PIK3AP1: variants seen among roughly 807,000 people sequenced by gnomAD.
PIK3AP1 encodes phosphoinositide-3-kinase adaptor protein 1.
PIK3AP1 carries 21 observed loss-of-function variants against 88.1 expected under a neutral mutation model. That is an observed-to-expected ratio of 0.24 (90% CI 0.17 to 0.34). PIK3AP1 has a LOEUF of 0.34. Among genes scored for constraint, PIK3AP1 ranks in the 10% least tolerant of loss-of-function variants. The pLI is 1.00. For synonymous variants in PIK3AP1, 398 were observed against 400.0 expected (o/e 1.00, Z 0.06); for missense variants, 828 against 1,035.7 (o/e 0.80, Z 2.75).
chr10:96,599,577 GAA>G (rs750245717), intron 16 of PIK3AP1, among the ~76,000 whole-genome samples: 2 of 152,154 alleles, frequency 1.3e-5, no homozygotes, highest in Non-Finnish European at 2.9e-5. Flanking sequence ...CACGGGCAGA[GAA>G]GAGATGCTGA....
At chr10:96,603,713 A>T (rs1564950882) in intron 15 of PIK3AP1, 1 of 304,408 alleles carries the variant, frequency 3.3e-6, no homozygotes, top group African/African-American at 2.2e-5. Context: ...CACACACACC[A>T]CATATATATA....
rs148155309 is a variant in PIK3AP1 at position 96,621,774 on chromosome 10, A to G, written c.1736-1217T>C. The G allele has an allele frequency of 6.7e-3, 1,021 of 152,256 alleles. 7 individuals are homozygous for G. Among genetic ancestry groups the G allele is most frequent in the Non-Finnish European group, 0.011 (751 of 68,046 alleles). The allele number at this position is 152,256 out of a possible 1,614,324, so 9.4% of individuals were successfully genotyped here. On this transcript the variant is annotated intron_variant, in intron 11 of 16. Coordinates refer to ENST00000339364, the MANE Select transcript of PIK3AP1 (RefSeq NM_152309.3). Reference sequence around the variant, plus strand: ...GACGCCTTTAGACAAGTATTTCTCAACCTTGGCACTATTGACATTTTGGGC... The same window carrying G: ...GACGCCTTTAGACAAGTATTTCTCAGCCTTGGCACTATTGACATTTTGGGC...
chr10:96,681,374 C>G (rs1843997141), intron 2 of PIK3AP1, among the ~76,000 whole-genome samples: 1 of 152,202 alleles, frequency 6.6e-6, no homozygotes, highest in Admixed American at 6.5e-5. Context: ...CATCCCATAA[C>G]AAATGTGATG....
chr10:96,661,003 G>A (rs1014087365), intron 2 of PIK3AP1, among the ~76,000 whole-genome samples: 1 of 152,084 alleles, frequency 6.6e-6, no homozygotes, highest in Non-Finnish European at 1.5e-5. Flanking sequence ...TGGCCAACAT[G>A]GTGAAACCCT....
intron 2 of PIK3AP1, among the ~76,000 whole-genome samples, chr10:96,695,985 C>T (rs557289621): frequency 1.3e-5 from 2 of 152,096 alleles, no homozygotes; most frequent in East Asian, 1.9e-4. Flanking sequence ...CCTATGTTAC[C>T]GAAGACAAAT....
chr10:96,635,950 G>C (rs2134217527), intron 8 of PIK3AP1, among the ~76,000 whole-genome samples: 2 of 152,092 alleles, frequency 1.3e-5, no homozygotes, highest in Middle Eastern at 6.8e-3. Context: ...GCTCACGCCT[G>C]TAATCCCAGC....
chr10:96,621,888 A>G (rs10882829), intron 11 of PIK3AP1, among the ~76,000 whole-genome samples: 55,795 of 152,120 alleles, frequency 0.37, 11,233 homozygotes, highest in South Asian at 0.48. Flanking sequence ...TGCTAGCAGC[A>G]CCCCCTTCTT....
At chr10:96,601,570 G>A (rs1667756779) in intron 16 of PIK3AP1, among the ~76,000 whole-genome samples, 1 of 151,888 alleles carries the variant, frequency 6.6e-6, no homozygotes, top group African/African-American at 2.4e-5. Context: ...CCCAGGTAGG[G>A]GGGCTCTAGA....
chr10:96,640,642 C>A (rs1259433514), intron 8 of PIK3AP1, among the ~76,000 whole-genome samples: 1 of 151,928 alleles, frequency 6.6e-6, no homozygotes, highest in Non-Finnish European at 1.5e-5. Flanking sequence ...AAGGTTGATG[C>A]TTTAAATATG....
At chr10:96,715,571 T>C (rs1036749521) in intron 1 of PIK3AP1, among the ~76,000 whole-genome samples, 4 of 152,168 alleles carry the variant, frequency 2.6e-5, no homozygotes, top group African/African-American at 9.7e-5. Flanking sequence ...AAATCTAAAA[T>C]TGTTCTAAAA....
chr10:96,671,338 G>A (rs1290507502), intron 2 of PIK3AP1, among the ~76,000 whole-genome samples: 2 of 152,164 alleles, frequency 1.3e-5, no homozygotes, highest in Admixed American at 6.5e-5. Context: ...CAAACATCAA[G>A]ACTGCTTTTT....
At chr10:96,629,587 G>C (rs559881613) in intron 8 of PIK3AP1, among the ~76,000 whole-genome samples, 1 of 151,146 alleles carries the variant, frequency 6.6e-6, no homozygotes, top group African/African-American at 2.4e-5. Flanking sequence ...ACATAAAAAA[G>C]AAACTCTGGG....
chr10:96,620,208 C>T lies in PIK3AP1; in HGVS notation c.1941+144G>A, dbSNP rs141671006. Reference sequence around the variant, plus strand: ...CCGAGGTGACACTCATACACACTCACTGGTTCACAATGAAACTCAAACATT... The same window carrying T: ...CCGAGGTGACACTCATACACACTCATTGGTTCACAATGAAACTCAAACATT... On this transcript the variant is annotated intron_variant, in intron 12 of 16. Coordinates refer to ENST00000339364, the MANE Select transcript of PIK3AP1 (RefSeq NM_152309.3). 1.3e-3 allele frequency: 1,177 copies of T among 886,572 alleles called. 11 individuals are homozygous for T. The African/African-American group carries it at 0.017, about 13-fold the overall frequency. 54.9% of individuals were successfully genotyped at this position (886,572 alleles called of 1,614,324 possible).
intron 3 of PIK3AP1, among the ~76,000 whole-genome samples, chr10:96,655,033 G>T (rs962129134): frequency 6.6e-6 from 1 of 152,150 alleles, no homozygotes; most frequent in African/African-American, 2.4e-5. Context: ...TGGAAACACA[G>T]ATTTTTATGC....
At chr10:96,653,569 C>T (rs1005325503) in intron 3 of PIK3AP1, among the ~76,000 whole-genome samples, 1 of 145,178 alleles carries the variant, frequency 6.9e-6, no homozygotes, top group Non-Finnish European at 1.5e-5. Flanking sequence ...TCACTGCAAC[C>T]TCCACCTTCC....
chr10:96,672,586 G>T, intron 2 of PIK3AP1, among the ~76,000 whole-genome samples: 1 of 152,200 alleles, frequency 6.6e-6, no homozygotes, highest in East Asian at 1.9e-4. Context: ...TAAAGCAAAG[G>T]CCTATAGCTT....
chr10:96,681,109 T>C (rs1010946285), intron 2 of PIK3AP1, among the ~76,000 whole-genome samples: 2 of 152,166 alleles, frequency 1.3e-5, no homozygotes, highest in South Asian at 2.1e-4. Context: ...GGTTGTTTTT[T>C]TCTCGGGCCT....
chr10:96,628,080 C>G (rs1038111992), intron 9 of PIK3AP1, among the ~76,000 whole-genome samples: 1 of 152,172 alleles, frequency 6.6e-6, no homozygotes, highest in African/African-American at 2.4e-5. Flanking sequence ...ACATCCAGAA[C>G]AGTGATTTGC....
intron 2 of PIK3AP1, among the ~76,000 whole-genome samples, chr10:96,696,191 A>T (rs1289833741): frequency 6.6e-6 from 1 of 152,230 alleles, no homozygotes; most frequent in Non-Finnish European, 1.5e-5. Context: ...ACCACACATA[A>T]AACATTGTCA....
Sources: allele counts gnomAD v4.1 joint callset (sites outside exome capture counted in the v4.1 genomes callset), GRCh38; gene constraint gnomAD v4.1.1; transcripts MANE v1.5; gene names NCBI Gene and HGNC (gene_info 2026-07-23, HGNC 2026-07-21).